PTPRD: variants seen among roughly 807,000 people sequenced by gnomAD.
PTPRD encodes receptor-type tyrosine-protein phosphatase delta.
A neutral mutation model predicts 214.5 loss-of-function variants in PTPRD; 34 were observed. The observed-to-expected ratio is 0.16, with a 90% confidence interval of 0.12 to 0.21. PTPRD has a LOEUF of 0.21. Among genes scored for constraint, PTPRD ranks in the 10% least tolerant of loss-of-function variants. The pLI is 1.00. For missense variants in PTPRD, 2,545 were observed against 2,398.7 expected, an observed-to-expected ratio of 1.06 and a Z score of -1.27; for synonymous variants, 1,128 against 845.7, an observed-to-expected ratio of 1.33 and a Z score of -5.79.
chr9:9,477,885 G>C (rs956156267), intron 8 of PTPRD, among the ~76,000 whole-genome samples: 1 of 152,104 alleles, frequency 6.6e-6, no homozygotes, highest in East Asian at 1.9e-4. Flanking sequence ...TTCTCAAATT[G>C]AATTTTATAA....
intron 2 of PTPRD, among the ~76,000 whole-genome samples, chr9:10,417,199 A>C (rs2098499662): frequency 6.6e-6 from 1 of 151,964 alleles, no homozygotes; most frequent in African/African-American, 2.4e-5. Context: ...GAAGGAACAT[A>C]GTTCAACCTA....
intron 11 of PTPRD, among the ~76,000 whole-genome samples, chr9:8,851,455 GAA>G (rs2097811738): frequency 2.0e-5 from 3 of 152,120 alleles, no homozygotes. Context: ...GTGCTAAGCA[GAA>G]AAAGAGAGTT....
intron 8 of PTPRD, among the ~76,000 whole-genome samples, chr9:9,527,522 A>T (rs553340016): frequency 1.3e-5 from 2 of 152,308 alleles, no homozygotes; most frequent in East Asian, 3.9e-4. Context: ...TTAGGGGAAA[A>T]TCAGGACAAA....
chr9:8,412,267 T>C (rs765532196), intron 35 of PTPRD, among the ~76,000 whole-genome samples: 2 of 152,128 alleles, frequency 1.3e-5, no homozygotes, highest in South Asian at 2.1e-4. Context: ...AAATAGGTTA[T>C]GCACACCTAG....
At chr9:10,273,162 G>A (rs775830045) in intron 3 of PTPRD, among the ~76,000 whole-genome samples, 5 of 152,094 alleles carry the variant, frequency 3.3e-5, no homozygotes, top group African/African-American at 1.2e-4. Context: ...AATCCCACAA[G>A]GGAATATCAC....
intron 8 of PTPRD, among the ~76,000 whole-genome samples, chr9:9,438,757 T>C (rs1171656005): frequency 6.6e-6 from 1 of 152,206 alleles, no homozygotes; most frequent in Non-Finnish European, 1.5e-5. Context: ...TGTACTAATA[T>C]TAGCATCAAC....
chr9:10,221,717 G>C (rs1479952076), intron 3 of PTPRD, among the ~76,000 whole-genome samples: 1 of 151,582 alleles, frequency 6.6e-6, no homozygotes, highest in East Asian at 1.9e-4. Flanking sequence ...TACCAATGTT[G>C]TTTCTCACTT....
rs767335181 is a variant in PTPRD at position 8,527,365 on chromosome 9, A to C, written c.542-12T>G. On this transcript the variant is annotated splice_polypyrimidine_tract_variant and intron_variant, in intron 15 of 45. Coordinates refer to ENST00000381196, the MANE Select transcript of PTPRD (RefSeq NM_002839.4). ...CTTACCAATAGATTCTGGAGATTTA[A>C]ATACGGAGAGAAGAAAGACAGCATA... The C allele has an allele frequency of 6.2e-7, 1 of 1,606,412 alleles. No homozygotes were observed. Among genetic ancestry groups the C allele is most frequent in the East Asian group, 2.2e-5 (1 of 44,784 alleles).
chr9:9,116,938 A>G (rs2099812916), intron 10 of PTPRD, among the ~76,000 whole-genome samples: 1 of 152,134 alleles, frequency 6.6e-6, no homozygotes, highest in Non-Finnish European at 1.5e-5. Flanking sequence ...TGCCTGACCC[A>G]TAGTATGGAT....
intron 11 of PTPRD, among the ~76,000 whole-genome samples, chr9:8,926,909 A>T (rs1467557256): frequency 6.6e-6 from 1 of 152,188 alleles, no homozygotes; most frequent in Non-Finnish European, 1.5e-5. Flanking sequence ...GGCAGAAAAC[A>T]TCATTTGAGC....
intron 9 of PTPRD, among the ~76,000 whole-genome samples, chr9:9,352,408 T>C (rs2051746713): frequency 6.6e-6 from 1 of 151,396 alleles, no homozygotes; most frequent in African/African-American, 2.4e-5. Flanking sequence ...TATATATATC[T>C]GTTATGTTTT....
chr9:8,793,031 G>T (rs1176651822), intron 11 of PTPRD, among the ~76,000 whole-genome samples: 1 of 152,132 alleles, frequency 6.6e-6, no homozygotes, highest in South Asian at 2.1e-4. Context: ...AGAAGCTGGC[G>T]ACCTATGTAA....
intron 3 of PTPRD, among the ~76,000 whole-genome samples, chr9:10,136,269 G>A (rs2098942779): frequency 6.6e-6 from 1 of 152,064 alleles, no homozygotes; most frequent in Admixed American, 6.6e-5. Flanking sequence ...GATTTAGACA[G>A]CTGCACAAGA....
intron 3 of PTPRD, among the ~76,000 whole-genome samples, chr9:10,181,873 T>C (rs765824505): frequency 4.9e-5 from 7 of 141,840 alleles, no homozygotes; most frequent in Non-Finnish European, 7.5e-5. Flanking sequence ...AAAAAAATAG[T>C]ATAAGATACT....
intron 7 of PTPRD, among the ~76,000 whole-genome samples, chr9:9,576,827 C>G (rs9408769): frequency 0.23 from 35,649 of 151,976 alleles, 5,229 homozygotes; most frequent in Non-Finnish European, 0.32. Flanking sequence ...CGATCAGATG[C>G]TAGATTACTC....
intron 12 of PTPRD, among the ~76,000 whole-genome samples, chr9:8,645,180 G>A (rs761727026): frequency 1.3e-5 from 2 of 152,140 alleles, no homozygotes; most frequent in Non-Finnish European, 2.9e-5. Context: ...TTTTTCACTA[G>A]CTAAGTGAGA....
intron 12 of PTPRD, chr9:8,713,329 C>T: frequency 1.2e-6 from 1 of 856,962 alleles, no homozygotes; most frequent in South Asian, 1.4e-5. Flanking sequence ...CTCGGGCACA[C>T]TAAGAGAGTA....
chr9:9,670,585 G>C lies in PTPRD; in HGVS notation c.-287+63948C>G, dbSNP rs150530135. On this transcript the variant is annotated intron_variant, in intron 7 of 45. Coordinates refer to ENST00000381196, the MANE Select transcript of PTPRD (RefSeq NM_002839.4). Reference sequence around the variant, plus strand: ...TCCCATCACAGGCCTAGATGCTTAGGAGAAAATGGTTCTGTGGGCCTGGCC... The same window carrying C: ...TCCCATCACAGGCCTAGATGCTTAGCAGAAAATGGTTCTGTGGGCCTGGCC... 1.8e-4 allele frequency among the ~76,000 whole-genome samples: 27 copies of C among 152,328 alleles called. No individual in the cohort carries two copies. In the East Asian group the frequency reaches 5.0e-3, roughly 28 times the overall value.
chr9:8,895,512 G>A (rs959044159), intron 11 of PTPRD, among the ~76,000 whole-genome samples: 2 of 152,168 alleles, frequency 1.3e-5, no homozygotes, highest in African/African-American at 4.8e-5. Context: ...CAGTGTGGAA[G>A]ATTTTTCAGG....
Sources: allele counts gnomAD v4.1 joint callset (sites outside exome capture counted in the v4.1 genomes callset), GRCh38; gene constraint gnomAD v4.1.1; transcripts MANE v1.5; gene names NCBI Gene and HGNC (gene_info 2026-07-23, HGNC 2026-07-21).